The following KIAA1328 variants were observed in gnomAD, a reference collection of about 807,000 sequenced individuals.
KIAA1328 encodes the protein KIAA1328.
Under a neutral mutation model 68.1 loss-of-function variants are expected in KIAA1328, and 52 were observed. The observed-to-expected ratio is 0.76, with a 90% CI of 0.61 to 0.96. The LOEUF (loss-of-function observed/expected upper bound fraction) is 0.96. KIAA1328 is among the 40% of genes least tolerant of loss of function. The pLI is 0.00. For missense variants in KIAA1328, 641 were observed against 677.6 expected (o/e 0.95, Z 0.60); for synonymous variants, 232 against 239.4 (o/e 0.97, Z 0.28).
At chr18:36,842,521 G>A (rs575461537) in intron 3 of KIAA1328, among the ~76,000 whole-genome samples, 2 of 152,240 alleles carry the variant, frequency 1.3e-5, no homozygotes, top group East Asian at 3.9e-4. Context: ...GGGTGGAAGG[G>A]TAGTTTTGAG....
intron 6 of KIAA1328, among the ~76,000 whole-genome samples, chr18:37,013,839 A>G (rs973705729): frequency 1.3e-4 from 20 of 152,058 alleles, no homozygotes; most frequent in Non-Finnish European, 5.9e-5. Context: ...AGAATGATTT[A>G]TTTTCTTTTG....
At chr18:36,976,662 A>G (rs1054246290) in intron 6 of KIAA1328, among the ~76,000 whole-genome samples, 1 of 151,756 alleles carries the variant, frequency 6.6e-6, no homozygotes, top group African/African-American at 2.4e-5. Context: ...CAATTGTTAT[A>G]TATTATAATT....
At chr18:37,137,411 CT>C (rs1346829760) in intron 7 of KIAA1328, among the ~76,000 whole-genome samples, 1 of 152,108 alleles carries the variant, frequency 6.6e-6, no homozygotes, top group Non-Finnish European at 1.5e-5. Context: ...CCATGTTTTT[CT>C]TTTTTCCATA....
intron 9 of KIAA1328, among the ~76,000 whole-genome samples, chr18:37,185,037 G>T (rs185047394): frequency 6.6e-6 from 1 of 151,966 alleles, no homozygotes; most frequent in Non-Finnish European, 1.5e-5. Flanking sequence ...GTGGTGGCGG[G>T]TACCTGTAGT....
At chr18:37,204,162 G>A (rs1158818532) in intron 9 of KIAA1328, among the ~76,000 whole-genome samples, 6 of 152,154 alleles carry the variant, frequency 3.9e-5, no homozygotes, top group Non-Finnish European at 5.9e-5. Flanking sequence ...AGACAAGGAC[G>A]TATCTAAAAA....
intron 6 of KIAA1328, among the ~76,000 whole-genome samples, chr18:37,038,168 C>CT (rs936405142): frequency 2.6e-5 from 4 of 151,920 alleles, no homozygotes; most frequent in Non-Finnish European, 2.9e-5. Flanking sequence ...CACAGGTAGC[C>CT]TTTTTCTGTT....
chr18:37,023,797 T>G (rs570830761), intron 6 of KIAA1328, among the ~76,000 whole-genome samples: 19 of 152,240 alleles, frequency 1.2e-4, no homozygotes, highest in African/African-American at 4.6e-4. Flanking sequence ...ATTTATTTAT[T>G]TATTTGTTTT....
chr18:36,872,039 A>G (rs2047962690), intron 4 of KIAA1328, among the ~76,000 whole-genome samples: 1 of 152,184 alleles, frequency 6.6e-6, no homozygotes, highest in Non-Finnish European at 1.5e-5. Context: ...GAAAAGAAAC[A>G]AAGTTCCTGG....
At chr18:37,072,634 A>G (rs1052713186) in intron 7 of KIAA1328, among the ~76,000 whole-genome samples, 1 of 152,020 alleles carries the variant, frequency 6.6e-6, no homozygotes, top group African/African-American at 2.4e-5. Flanking sequence ...ATCTTTTGTT[A>G]TGGCTCCACA....
intron 7 of KIAA1328, among the ~76,000 whole-genome samples, chr18:37,126,893 A>G (rs1162176892): frequency 6.6e-6 from 1 of 152,128 alleles, no homozygotes; most frequent in African/African-American, 2.4e-5. Context: ...ATTCATGATA[A>G]AAAAAATCTC....
rs951808951 is a variant in KIAA1328 at position 37,023,098 on chromosome 18, A to G, written c.577-43792A>G. Among the ~76,000 whole-genome samples, 5 of 152,286 alleles carry G rather than the reference A, an allele frequency of 3.3e-5. No individual in the cohort carries two copies. In the East Asian group the frequency reaches 9.6e-4, roughly 29 times the overall value. ...CAGGCTAGAGTGCAGTGGCACAATC[A>G]TGGCTCACTGTAGCTTCAACTTTCT... On this transcript the variant is annotated intron_variant, in intron 6 of 9. Coordinates refer to ENST00000280020, the MANE Select transcript of KIAA1328 (RefSeq NM_020776.3).
intron 4 of KIAA1328, among the ~76,000 whole-genome samples, chr18:36,876,438 C>T (rs1402714547): frequency 1.3e-5 from 2 of 152,108 alleles, no homozygotes; most frequent in African/African-American, 2.4e-5. Flanking sequence ...TCCATTTCTT[C>T]TAGATTTTCT....
intron 6 of KIAA1328, among the ~76,000 whole-genome samples, chr18:36,999,920 G>T (rs1230101410): frequency 6.6e-6 from 1 of 150,870 alleles, no homozygotes. Context: ...AAACCACAAT[G>T]AAAAACACTA....
At chr18:36,840,581 A>G (rs941465366) in intron 3 of KIAA1328, among the ~76,000 whole-genome samples, 1 of 151,506 alleles carries the variant, frequency 6.6e-6, no homozygotes, top group African/African-American at 2.4e-5. Flanking sequence ...TCAGCCTCTC[A>G]ACTAGCTGGG....
chr18:37,034,777 C>G (rs2054962982), intron 6 of KIAA1328, among the ~76,000 whole-genome samples: 1 of 152,100 alleles, frequency 6.6e-6, no homozygotes, highest in African/African-American at 2.4e-5. Context: ...TACATTTGGT[C>G]TTGAAATAAA....
At chr18:37,070,086 G>T (rs1250430041) in intron 7 of KIAA1328, among the ~76,000 whole-genome samples, 1 of 151,978 alleles carries the variant, frequency 6.6e-6, no homozygotes, top group Non-Finnish European at 1.5e-5. Context: ...TGACCCATGG[G>T]TTATTTAGAA....
chr18:37,029,282 T>A (rs1369096452), intron 6 of KIAA1328, among the ~76,000 whole-genome samples: 1 of 152,320 alleles, frequency 6.6e-6, no homozygotes. Flanking sequence ...CCATTTCTTC[T>A]GGGTTTTCCA....
chr18:36,916,238 CA>C, intron 5 of KIAA1328, among the ~76,000 whole-genome samples: 1 of 151,972 alleles, frequency 6.6e-6, no homozygotes, highest in Non-Finnish European at 1.5e-5. Flanking sequence ...AATATTGTTG[CA>C]AAATTCATTG....
At chr18:37,078,830 A>G (rs1477897201) in intron 7 of KIAA1328, among the ~76,000 whole-genome samples, 3 of 149,820 alleles carry the variant, frequency 2.0e-5, no homozygotes, top group Admixed American at 2.0e-4. Flanking sequence ...TCAGGAAACA[A>G]CAGGTGCTGG....
Sources: allele counts gnomAD v4.1 joint callset (sites outside exome capture counted in the v4.1 genomes callset), GRCh38; gene constraint gnomAD v4.1.1; transcripts MANE v1.5; gene names NCBI Gene and HGNC (gene_info 2026-07-23, HGNC 2026-07-21).